Variants in DOP1B observed in about 807,000 individuals in gnomAD.
The protein encoded by DOP1B is DOP1 leucine zipper like protein B, also known as protein DOP1B.
A neutral mutation model predicts 233.5 loss-of-function variants in DOP1B; 174 were observed. The observed-to-expected ratio is 0.75, with a 90% CI of 0.66 to 0.85. The LOEUF (loss-of-function observed/expected upper bound fraction) is 0.85. DOP1B is among the 40% of genes least tolerant of loss of function. The probability of loss-of-function intolerance (pLI) is 0.00; values close to 1 mark genes in which losing one functional copy is unlikely to be tolerated. For synonymous variants in DOP1B, 1,190 were observed against 1,185.6 expected (o/e 1.00, Z -0.08); for missense variants, 2,652 against 2,846.6 (o/e 0.93, Z 1.56).
intron 4 of DOP1B, among the ~76,000 whole-genome samples, chr21:36,206,524 T>C (rs1281173862): frequency 7.4e-6 from 1 of 135,892 alleles, no homozygotes; most frequent in East Asian, 2.0e-4. Context: ...AGTAACACCC[T>C]GCCTCAAAAA....
Position 36,292,172 on chromosome 21 carries a change from A to T in DOP1B, c.6584A>T (p.Asn2195Ile), listed in dbSNP as rs930749189. 130 of 1,612,720 alleles carry T rather than the reference A, an allele frequency of 8.1e-5. 1 individual carries two copies. The highest frequency in any genetic ancestry group is 1.1e-4 in the Non-Finnish European group (127 of 1,179,446). ...GPAFLSDVEE[N>I]HQECKPHTVR... ...GCCTTCCTGTCGGATGTAGAGGAGA[A>T]TCACCAAGAATGCAAACCCCACACT... Residue 2195 changes from asparagine (N) to isoleucine (I), a missense_variant, in exon 36 of 37, where the codon AAT (asparagine) becomes ATT (isoleucine). Coordinates refer to ENST00000691173, the MANE Select transcript of DOP1B (RefSeq NM_001320714.2).
At chr21:36,235,991 G>A (rs1263957033) in intron 15 of DOP1B, among the ~76,000 whole-genome samples, 1 of 152,112 alleles carries the variant, frequency 6.6e-6, no homozygotes, top group African/African-American at 2.4e-5. Context: ...GCCAGTCAGT[G>A]GTTAACTTGA....
chr21:36,242,237 A>G (rs1390616655), intron 18 of DOP1B, among the ~76,000 whole-genome samples: 1 of 151,296 alleles, frequency 6.6e-6, no homozygotes, highest in East Asian at 1.9e-4. Flanking sequence ...CAGTGGTGTG[A>G]TCCCAAGTCA....
At chr21:36,253,237 T>C (rs1180864820) in intron 22 of DOP1B, among the ~76,000 whole-genome samples, 2 of 152,234 alleles carry the variant, frequency 1.3e-5, no homozygotes, top group African/African-American at 4.8e-5. Context: ...GTATTTTTGA[T>C]TCCATCTCTT....
rs111840768 is a variant in DOP1B, at chr21:36,275,618, C to CAA, written c.5633-1388_5633-1387dup. 2.3e-3 allele frequency among the ~76,000 whole-genome samples: 298 copies of CAA among 132,360 alleles called. 3 individuals are homozygous for CAA. Among genetic ancestry groups the CAA allele is most frequent in the Non-Finnish European group, 3.0e-3 (185 of 60,810 alleles). 86.8% of individuals were successfully genotyped at this position (132,360 alleles called of 152,430 possible). On this transcript the variant is annotated intron_variant, in intron 27 of 36. Coordinates refer to ENST00000691173, the MANE Select transcript of DOP1B (RefSeq NM_001320714.2). ...TGGGCAACAAAGCGAGAACTTGTCT[C>CAA]AAAAAAAAAAAAAAAAGAATTATGT...
chr21:36,233,220 G>A (rs1282937012), intron 15 of DOP1B, 145 bp downstream of exon 15: 18 of 1,166,184 alleles, frequency 1.5e-5, no homozygotes, highest in Non-Finnish European at 2.0e-5. Flanking sequence ...GTAGCCTTTG[G>A]TCTTCCTCTC....
chr21:36,254,834 TTGGGGC>T (rs1409740224), intron 23 of DOP1B, among the ~76,000 whole-genome samples: 3 of 152,062 alleles, frequency 2.0e-5, no homozygotes, highest in Non-Finnish European at 4.4e-5. Context: ...CTAGTGTTGT[TTGGGGC>T]TGTGGGGGTG....
intron 23 of DOP1B, among the ~76,000 whole-genome samples, chr21:36,257,269 T>G (rs1480331312): frequency 6.6e-6 from 1 of 152,184 alleles, no homozygotes; most frequent in Non-Finnish European, 1.5e-5. Context: ...CCCAGTCCTC[T>G]TGGGCCTTTT....
At chr21:36,275,028 A>C (rs2067335308) in intron 27 of DOP1B, among the ~76,000 whole-genome samples, 1 of 152,038 alleles carries the variant, frequency 6.6e-6, no homozygotes, top group Non-Finnish European at 1.5e-5. Flanking sequence ...TATTTTTGAC[A>C]GAGACAGGGT....
Position 36,211,661 on chromosome 21 carries a change from TTG to T in DOP1B, c.780+12_780+13del. On this transcript the variant is annotated intron_variant, in intron 6 of 36. Transcript: ENST00000691173. ...ATTTTATACCTGTCTGGTAAGTAAT[TTG>T]TACTCTTCTGGTAAGTCACTGGTGT... is the stretch of plus-strand genomic sequence containing the variant. 11 of 1,612,758 alleles carry T rather than the reference TTG, an allele frequency of 6.8e-6. No individual in the cohort carries two copies. Among genetic ancestry groups the T allele is most frequent in the Non-Finnish European group, 9.3e-6 (11 of 1,178,804 alleles).
intron 24 of DOP1B, 95 bp downstream of exon 24, chr21:36,260,827 C>T (rs923950686): frequency 1.3e-6 from 2 of 1,573,672 alleles, no homozygotes; most frequent in Non-Finnish European, 8.6e-7. Context: ...TTCTAGACTA[C>T]TAGAGAGCCA....
chr21:36,267,353 A>C (rs1392508678), intron 26 of DOP1B, among the ~76,000 whole-genome samples: 2 of 152,222 alleles, frequency 1.3e-5, no homozygotes, highest in African/African-American at 4.8e-5. Flanking sequence ...AAGCCAATCC[A>C]CTGAATACAA....
intron 27 of DOP1B, among the ~76,000 whole-genome samples, chr21:36,274,038 G>C (rs141199177): frequency 2.6e-5 from 4 of 151,954 alleles, no homozygotes; most frequent in African/African-American, 9.6e-5. Flanking sequence ...AGATCGCGCC[G>C]CTCCACTCCA....
intron 7 of DOP1B, among the ~76,000 whole-genome samples, chr21:36,213,257 A>G (rs1333487739): frequency 6.6e-6 from 1 of 152,182 alleles, no homozygotes; most frequent in African/African-American, 2.4e-5. Flanking sequence ...TGTCAAGGGC[A>G]CAGCTCTGCT....
chr21:36,209,382 C>T (rs2066466491), intron 5 of DOP1B, among the ~76,000 whole-genome samples: 1 of 152,210 alleles, frequency 6.6e-6, no homozygotes, highest in Admixed American at 6.5e-5. Flanking sequence ...CCGCGGCCTC[C>T]CAAAGTGGCA....
intron 20 of DOP1B, 125 bp from the exon 21 acceptor site, chr21:36,248,255 A>AT (rs2066991665): frequency 4.5e-6 from 4 of 879,712 alleles, no homozygotes; most frequent in Non-Finnish European, 5.2e-6. Context: ...AGACCACCAC[A>AT]TGTATGAGTT....
chr21:36,214,384 A>T, intron 8 of DOP1B, 58 bp from the exon 9 acceptor site: 1 of 1,515,928 alleles, frequency 6.6e-7, no homozygotes, highest in Non-Finnish European at 9.0e-7. Context: ...ATAGCCAGTA[A>T]TGTTGTTACA....
At chr21:36,233,895 C>T (rs1215822793) in intron 15 of DOP1B, among the ~76,000 whole-genome samples, 2 of 152,078 alleles carry the variant, frequency 1.3e-5, no homozygotes, top group Non-Finnish European at 2.9e-5. Context: ...GCTCTGTCAC[C>T]CAGGCTGGAG....
At chr21:36,162,705 A>AT (rs1333999162) in intron 1 of DOP1B, among the ~76,000 whole-genome samples, 28 of 151,700 alleles carry the variant, frequency 1.8e-4, no homozygotes, top group African/African-American at 5.8e-4. Flanking sequence ...ATGCCCAGCT[A>AT]TTTTTTATGT....
Sources: gnomAD v4.1 joint callset for allele counts (sites outside exome capture counted in the v4.1 genomes callset) on GRCh38, gnomAD v4.1.1 for gene constraint, MANE v1.5 for transcripts, NCBI Gene and HGNC (gene_info 2026-07-23, HGNC 2026-07-21) for gene names.